The following TTLL11 variants were observed in gnomAD, a reference collection of about 807,000 sequenced individuals.
TTLL11 encodes the protein tubulin tyrosine ligase like 11.
In TTLL11, 42 loss-of-function variants were observed where a neutral mutation model predicts 51.7. That is an observed-to-expected ratio of 0.81 (90% CI 0.64 to 1.05). The LOEUF (loss-of-function observed/expected upper bound fraction) is 1.05. TTLL11 is among the 50% of genes least tolerant of loss of function. TTLL11 has a pLI of 0.00. For missense variants in TTLL11, 799 were observed against 940.4 expected, an observed-to-expected ratio of 0.85 and a Z score of 1.97; for synonymous variants, 381 against 383.5, an observed-to-expected ratio of 0.99 and a Z score of 0.08.
At chr9:121,926,072 TC>T (rs1840718789) in intron 6 of TTLL11, among the ~76,000 whole-genome samples, 1 of 152,226 alleles carries the variant, frequency 6.6e-6, no homozygotes. Flanking sequence ...ATTGAGTCTC[TC>T]GAGGGGTTTT....
intron 7 of TTLL11, among the ~76,000 whole-genome samples, chr9:121,862,164 C>T (rs559807209): frequency 1.3e-5 from 2 of 151,840 alleles, no homozygotes; most frequent in African/African-American, 4.8e-5. Flanking sequence ...AATCCTCCTA[C>T]CCCTCCCCAG....
intron 6 of TTLL11, among the ~76,000 whole-genome samples, chr9:121,957,928 G>T (rs540070867): frequency 2.0e-5 from 3 of 152,196 alleles, no homozygotes; most frequent in Non-Finnish European, 4.4e-5. Context: ...GGAGGCTAAC[G>T]CTTCAGTTTG....
intron 3 of TTLL11, among the ~76,000 whole-genome samples, chr9:122,031,025 G>A (rs1844525245): frequency 1.3e-5 from 2 of 152,168 alleles, no homozygotes; most frequent in Non-Finnish European, 2.9e-5. Flanking sequence ...AATGGTGTTA[G>A]CCTTATCACA....
intron 6 of TTLL11, among the ~76,000 whole-genome samples, chr9:121,935,276 A>G (rs922201074): frequency 6.6e-6 from 1 of 152,120 alleles, no homozygotes; most frequent in Non-Finnish European, 1.5e-5. Context: ...AAGTAGTAAT[A>G]AGCAGCCAGC....
chr9:121,901,147 T>C lies in TTLL11; in HGVS notation c.1482-30399A>G, dbSNP rs538971180. On this transcript the variant is annotated intron_variant, in intron 6 of 8. Coordinates refer to ENST00000321582, the MANE Select transcript of TTLL11 (RefSeq NM_001139442.2). Reference sequence around the variant, plus strand: ...GATTTGACTCTCAGCCAGGATATTATTGGTGTATAGAAAATACTACTGATT... The same window carrying C: ...GATTTGACTCTCAGCCAGGATATTACTGGTGTATAGAAAATACTACTGATT... Among the ~76,000 whole-genome samples, 29 of 152,352 alleles carry C rather than the reference T, an allele frequency of 1.9e-4. No homozygotes were observed. In the South Asian group the frequency reaches 3.9e-3, roughly 21 times the overall value.
At chr9:121,836,984 A>G (rs1837197083) in intron 8 of TTLL11, among the ~76,000 whole-genome samples, 1 of 152,238 alleles carries the variant, frequency 6.6e-6, no homozygotes, top group African/African-American at 2.4e-5. Context: ...TGTGTGCATC[A>G]ATATCTGTAT....
chr9:121,838,358 C>A (rs535870998), intron 8 of TTLL11, among the ~76,000 whole-genome samples: 24 of 152,308 alleles, frequency 1.6e-4, no homozygotes, highest in Non-Finnish European at 2.5e-4. Flanking sequence ...CCCCCACAGC[C>A]TCCTCGCTGG....
chr9:121,828,877 A>C (rs112509161), intron 8 of TTLL11, among the ~76,000 whole-genome samples: 2 of 152,006 alleles, frequency 1.3e-5, no homozygotes, highest in African/African-American at 4.8e-5. Context: ...AGGCAGGAGG[A>C]TCGCTTGAGC....
chr9:121,953,501 G>A (rs531277149), intron 6 of TTLL11, among the ~76,000 whole-genome samples: 5 of 151,960 alleles, frequency 3.3e-5, no homozygotes, highest in East Asian at 3.9e-4. Context: ...GCATGGTGGC[G>A]TGTGCCTGTA....
chr9:121,822,746 T>G lies in TTLL11; in HGVS notation c.1974A>C (p.Lys658Asn). The G allele has an allele frequency of 6.4e-7, 1 of 1,551,334 alleles. No individual in the cohort carries two copies. The highest frequency in any genetic ancestry group is 8.7e-7 in the Non-Finnish European group (1 of 1,146,878). ...CEYHLSLLDEKRLVCGRGVPS... is the reference protein window; with the variant it reads ...CEYHLSLLDENRLVCGRGVPS... Reference sequence around the variant, plus strand: ...GGACGCCCCGGCCACACACCAGGCGTTTTTCATCCAGCAGGGACAGGTGGT... The same window carrying G: ...GGACGCCCCGGCCACACACCAGGCGGTTTTCATCCAGCAGGGACAGGTGGT... Residue 658 changes from lysine to asparagine, a missense_variant, in exon 9 of 9, where the codon AAA becomes AAC. Transcript: ENST00000321582. The surrounding 1 kb of genome is among the most constrained non-coding windows in gnomAD (Gnocchi z 5.8).
chr9:122,074,517 TTTA>T (rs1845810205), intron 1 of TTLL11, among the ~76,000 whole-genome samples: 1 of 152,216 alleles, frequency 6.6e-6, no homozygotes, highest in South Asian at 2.1e-4. Context: ...GGGTGGTTTT[TTTA>T]TTTACAACAA....
chr9:122,045,398 C>T (rs1844975421), intron 1 of TTLL11, among the ~76,000 whole-genome samples: 1 of 151,944 alleles, frequency 6.6e-6, no homozygotes, highest in African/African-American at 2.4e-5. Context: ...ACTACAAATA[C>T]AAAAATTAGC....
At chr9:122,014,949 C>T (rs1452440212) in intron 3 of TTLL11, among the ~76,000 whole-genome samples, 2 of 152,160 alleles carry the variant, frequency 1.3e-5, no homozygotes, top group Admixed American at 6.5e-5. Flanking sequence ...CTTAGCAGGC[C>T]TCGGGAAACG....
At chr9:122,013,293 A>G (rs1843869527) in intron 3 of TTLL11, among the ~76,000 whole-genome samples, 1 of 152,212 alleles carries the variant, frequency 6.6e-6, no homozygotes, top group African/African-American at 2.4e-5. Context: ...TTGAGAGAGT[A>G]CAGGATTGGG....
chr9:121,826,577 A>ATG (rs1484471206), intron 8 of TTLL11, among the ~76,000 whole-genome samples: 37 of 119,988 alleles, frequency 3.1e-4, no homozygotes, highest in Non-Finnish European at 3.5e-5. Context: ...ATATATATAT[A>ATG]TATATGTATA....
intron 1 of TTLL11, among the ~76,000 whole-genome samples, chr9:122,043,727 ACT>A (rs1221542743): frequency 6.6e-6 from 1 of 152,168 alleles, no homozygotes; most frequent in East Asian, 1.9e-4. Flanking sequence ...AAAATTAAAA[ACT>A]TTTTTTCATC....
At chr9:122,018,194 G>A (rs1299200616) in intron 3 of TTLL11, among the ~76,000 whole-genome samples, 1 of 146,218 alleles carries the variant, frequency 6.8e-6, no homozygotes, top group Non-Finnish European at 1.5e-5. Flanking sequence ...CTCACTGCAA[G>A]CTCTACCTCC....
intron 6 of TTLL11, among the ~76,000 whole-genome samples, chr9:121,928,280 T>C (rs1840820148): frequency 6.6e-6 from 1 of 152,156 alleles, no homozygotes; most frequent in Admixed American, 6.5e-5. Flanking sequence ...TATTGGGATG[T>C]AATTGTTATA....
rs945987624 is a variant in TTLL11 at position 122,002,478 on chromosome 9, A to T, written c.694-12708T>A. 1.4e-4 allele frequency among the ~76,000 whole-genome samples: 21 copies of T among 152,282 alleles called. 1 individual carries two copies. In the Middle Eastern group the frequency reaches 0.01, roughly 74 times the overall value. The stretch of plus-strand genomic sequence containing the variant: ...TAGACATAGCTTCTGAGATTTTATT[A>T]ATGACTCAAGGAGAGGAGAAGGGAA... On this transcript the variant is annotated intron_variant, in intron 3 of 8. Coordinates refer to ENST00000321582, the MANE Select transcript of TTLL11 (RefSeq NM_001139442.2).
Sources: gnomAD v4.1 joint callset for allele counts (sites outside exome capture counted in the v4.1 genomes callset) on GRCh38, gnomAD v4.1.1 for gene constraint, Gnocchi (gnomAD v3.1) non-coding constraint, MANE v1.5 for transcripts, NCBI Gene and HGNC (gene_info 2026-07-23, HGNC 2026-07-21) for gene names.